Variants in EFNA1 observed in about 807,000 individuals in gnomAD.
EFNA1 encodes ephrin A1.
EFNA1 carries 8 observed loss-of-function variants against 23.2 expected under a neutral mutation model. The observed-to-expected ratio is 0.34, with a 90% CI of 0.20 to 0.62. The LOEUF (loss-of-function observed/expected upper bound fraction) is 0.62. Among genes scored for constraint, EFNA1 ranks in the 20% least tolerant of loss-of-function variants. EFNA1 has a pLI of 0.75. For missense variants in EFNA1, 217 were observed against 260.0 expected, an observed-to-expected ratio of 0.83 and a Z score of 1.14; for synonymous variants, 89 against 98.6, an observed-to-expected ratio of 0.90 and a Z score of 0.58.
At chr1:155,131,698 C>A in intron 2 of EFNA1, 64 bp downstream of exon 2, 1 of 1,551,430 alleles carries the variant, frequency 6.4e-7, no homozygotes, top group Admixed American at 1.7e-5. Context: ...TGCTTGGGTA[C>A]ATGCTTGGTG....
intron 1 of EFNA1, among the ~76,000 whole-genome samples, chr1:155,129,253 C>G (rs866114073): frequency 6.6e-6 from 1 of 152,130 alleles, no homozygotes; most frequent in Non-Finnish European, 1.5e-5. Context: ...AGCAAAGTCC[C>G]TGTTTATGCC....
At chr1:155,130,243 A>G (rs960754444) in intron 1 of EFNA1, among the ~76,000 whole-genome samples, 1 of 152,164 alleles carries the variant, frequency 6.6e-6, no homozygotes, top group Non-Finnish European at 1.5e-5. Context: ...GAAGCAACTT[A>G]GCGCTAATTC....
chr1:155,128,357 T>C (rs1222139072), intron 1 of EFNA1, among the ~76,000 whole-genome samples: 1 of 152,104 alleles, frequency 6.6e-6, no homozygotes, highest in African/African-American at 2.4e-5. Flanking sequence ...GCCTTCAGCA[T>C]AGACTTCGCC....
intron 1 of EFNA1, chr1:155,131,093 C>G: frequency 1.5e-6 from 2 of 1,309,414 alleles, no homozygotes; most frequent in Non-Finnish European, 1.9e-6. Flanking sequence ...CTTTGGTACC[C>G]GAAAGATACT....
chr1:155,131,759 C>T, intron 2 of EFNA1, 125 bp downstream of exon 2: 2 of 1,075,902 alleles, frequency 1.9e-6, no homozygotes, highest in Non-Finnish European at 2.7e-6. Flanking sequence ...TATTTTCATT[C>T]ATCTACATCC....
rs1354927334 is a variant in EFNA1 at position 155,127,942 on chromosome 1, C to G, written c.-36C>G. ...AGTGGGAACCCAGACCCATAGGAGA[C>G]CCGCGTCCCCGCTCGGCCTGGCCAG... On this transcript the variant is annotated 5_prime_UTR_variant, in exon 1 of 5. Coordinates refer to ENST00000368407, the MANE Select transcript of EFNA1 (RefSeq NM_004428.3). This position sits in a 1 kb window ranked among gnomAD's most constrained non-coding sequence, Gnocchi z 4.4. 12 of 1,568,948 alleles carry G rather than the reference C, an allele frequency of 7.6e-6. No individual in the cohort carries two copies. Among genetic ancestry groups the G allele is most frequent in the Non-Finnish European group, 1.0e-5 (12 of 1,144,594 alleles).
intron 2 of EFNA1, 119 bp from the exon 3 acceptor site, chr1:155,133,384 A>T: frequency 1.8e-6 from 2 of 1,126,388 alleles, no homozygotes; most frequent in Non-Finnish European, 2.6e-6. Flanking sequence ...AATCAAGGTT[A>T]GAGGGAAGAG....
chr1:155,130,608 G>A (rs1664219478), intron 1 of EFNA1: 1 of 985,344 alleles, frequency 1.0e-6, no homozygotes, highest in Non-Finnish European at 1.2e-6. Context: ...AAAGGACAGG[G>A]TTGTTTTGGG....
intron 1 of EFNA1, 55 bp downstream of exon 1, chr1:155,128,124 C>T (rs1045928452): frequency 1.1e-5 from 16 of 1,506,130 alleles, no homozygotes; most frequent in Middle Eastern, 1.7e-4. Flanking sequence ...ACTACCCCAC[C>T]GGGATAACTG....
At chr1:155,131,886 G>A (rs1251143663) in intron 2 of EFNA1, among the ~76,000 whole-genome samples, 1 of 152,140 alleles carries the variant, frequency 6.6e-6, no homozygotes, top group Non-Finnish European at 1.5e-5. Flanking sequence ...AACACACATA[G>A]GTTAAGAGAC....
At chr1:155,130,310 G>T (rs1664204596) in intron 1 of EFNA1, among the ~76,000 whole-genome samples, 1 of 152,184 alleles carries the variant, frequency 6.6e-6, no homozygotes, top group African/African-American at 2.4e-5. Context: ...CCAGCTTGCG[G>T]GGTCGGGGGA....
chr1:155,128,408 C>G lies in EFNA1; in HGVS notation c.92+339C>G, dbSNP rs147276548. On this transcript the variant is annotated intron_variant, in intron 1 of 4. Coordinates refer to ENST00000368407, the MANE Select transcript of EFNA1 (RefSeq NM_004428.3). ...CCTTGTTCCAGGCCCCCCACCCCCCCACTGTGAAAGCCTCCACGCCTCTCC... is the reference window on the plus strand; with the variant it reads ...CCTTGTTCCAGGCCCCCCACCCCCCGACTGTGAAAGCCTCCACGCCTCTCC... Among the ~76,000 whole-genome samples, 323 of 152,132 alleles carry G rather than the reference C, an allele frequency of 2.1e-3. 1 individual carries two copies. Among genetic ancestry groups the G allele is most frequent in the Non-Finnish European group, 3.7e-3 (253 of 67,960 alleles).
chr1:155,133,483 C>T lies in EFNA1; in HGVS notation c.389-20C>T. On this transcript the variant is annotated intron_variant, in intron 2 of 4. Transcript: ENST00000368407. ...TCCAGCAAAGGTTTCTTATTTAACC[C>T]CTGTGGGCTTATCTTGCAGCCAAAC... 6.2e-7 allele frequency: 1 copy of T among 1,614,102 alleles called. No individual in the cohort carries two copies. The highest frequency in any genetic ancestry group is 8.5e-7 in the Non-Finnish European group (1 of 1,179,998).
rs974521537 is a variant in EFNA1, at chr1:155,134,154, C to G, written c.*87C>G. The G allele has an allele frequency of 7.5e-6, 10 of 1,338,948 alleles. No homozygotes were observed. In the Admixed American group the frequency reaches 9.8e-5, roughly 13 times the overall value. 82.9% of individuals were successfully genotyped at this position (1,338,948 alleles called of 1,614,324 possible). A position where few individuals can be genotyped will look rare whatever the true frequency, so the allele number is the denominator to read the frequency against. ...ACCTGTCTTGGGGCCACTTTCAGAGCCCCCAGCCCTGGGAACCACTCCCAC... is the reference window on the plus strand; with the variant it reads ...ACCTGTCTTGGGGCCACTTTCAGAGGCCCCAGCCCTGGGAACCACTCCCAC... On this transcript the variant is annotated 3_prime_UTR_variant, in exon 5 of 5. Coordinates refer to ENST00000368407, the MANE Select transcript of EFNA1 (RefSeq NM_004428.3).
rs553225451 is a variant in EFNA1 at position 155,129,545 on chromosome 1, A to G, written c.92+1476A>G. On this transcript the variant is annotated intron_variant, in intron 1 of 4. Coordinates refer to ENST00000368407, the MANE Select transcript of EFNA1 (RefSeq NM_004428.3). ...CACACACACACACACACACACACAC[A>G]CACGCACACCCTATCATACCCAGGA... 477 of 120,424 alleles carry G rather than the reference A, an allele frequency of 4.0e-3. 3 individuals are homozygous for G. Among genetic ancestry groups the G allele is most frequent in the Non-Finnish European group, 4.6e-3 (284 of 61,900 alleles). 7.5% of individuals were successfully genotyped at this position (120,424 alleles called of 1,614,324 possible).
At position 155,128,017 on chromosome 1, in the gene EFNA1, A is replaced by C. The variant is rs769122314; in HGVS notation, c.40A>C (p.Ser14Arg). Residue 14 changes from serine to arginine, a missense_variant, in exon 1 of 5, where the codon AGT becomes CGT. By Grantham distance (110) the Ser-to-Arg change is moderately radical (BLOSUM62 -1). Transcript: ENST00000368407. ...GGCCCCTCTCTTGGGTCTGTGCTGC[A>C]GTCTGGCCGCTGCTGATCGCCACAC... ...LWAPLLGLCC[S>R]LAAADRHTVF... The C allele has an allele frequency of 6.2e-7, 1 of 1,613,678 alleles. No individual in the cohort carries two copies. Among genetic ancestry groups the C allele is most frequent in the South Asian group, 1.1e-5 (1 of 91,084 alleles).
intron 2 of EFNA1, 126 bp downstream of exon 2, chr1:155,131,760 A>G (rs1182038153): frequency 9.3e-7 from 1 of 1,077,922 alleles, no homozygotes; most frequent in Admixed American, 2.5e-5. Flanking sequence ...ATTTTCATTC[A>G]TCTACATCCC....
intron 2 of EFNA1, among the ~76,000 whole-genome samples, chr1:155,132,621 A>G (rs1412910004): frequency 4.1e-5 from 6 of 147,786 alleles, no homozygotes; most frequent in Admixed American, 4.0e-4. Flanking sequence ...TAGGGTCAGG[A>G]GTTCAAGACC....
intron 1 of EFNA1, chr1:155,129,956 G>C (rs1664194779): frequency 1.3e-5 from 2 of 152,504 alleles, no homozygotes; most frequent in African/African-American, 4.8e-5. Context: ...CCCGTCACGG[G>C]AATGAGGGAA....
Sources: allele counts gnomAD v4.1 joint callset (sites outside exome capture counted in the v4.1 genomes callset), GRCh38; gene constraint gnomAD v4.1.1; non-coding constraint Gnocchi (gnomAD v3.1); transcripts MANE v1.5; gene names NCBI Gene and HGNC (gene_info 2026-07-23, HGNC 2026-07-21).